The following PDE2A variants were observed in gnomAD, a reference collection of about 807,000 sequenced individuals.
PDE2A encodes the protein cGMP-dependent 3',5'-cyclic phosphodiesterase.
A neutral mutation model predicts 133.6 loss-of-function variants in PDE2A; 53 were observed. The observed-to-expected ratio is 0.40, with a 90% confidence interval of 0.32 to 0.50. The LOEUF (loss-of-function observed/expected upper bound fraction) is 0.50. Among genes scored for constraint, PDE2A ranks in the 20% least tolerant of loss-of-function variants. The pLI, the probability that PDE2A is intolerant of heterozygous loss-of-function variation, is 0.73. For missense variants in PDE2A, 796 were observed against 1,232.4 expected, an observed-to-expected ratio of 0.65 and a Z score of 5.30; for synonymous variants, 491 against 490.2, an observed-to-expected ratio of 1.00 and a Z score of -0.02.
chr11:72,656,323 G>A (rs1040679880), intron 1 of PDE2A, among the ~76,000 whole-genome samples: 2 of 152,168 alleles, frequency 1.3e-5, no homozygotes, highest in South Asian at 2.1e-4. Context: ...AGCACAGCAG[G>A]CCCAATATCA....
intron 1 of PDE2A, chr11:72,669,044 C>A: frequency 1.3e-6 from 1 of 788,836 alleles, no homozygotes; most frequent in Admixed American, 5.6e-5. Flanking sequence ...AGGGGCTAAG[C>A]TCTGCACTTC....
In PDE2A at chr11:72,590,230, G is replaced by T; in HGVS notation, c.718C>A (p.Leu240Met). Reference protein sequence around the residue: ...ILQLCGELYDLDASSLQLKVL... With the variant: ...ILQLCGELYDMDASSLQLKVL... ...TTGAGCTGCAGGGAAGAGGCATCCA[G>T]GTCGTAGAGTTCCCCTGCAAGGGCC... The change falls in exon 9 of 31, where the codon CTG becomes ATG. Residue 240 changes from leucine (L) to methionine (M), a missense_variant. Transcript: ENST00000334456. This position sits in a 1 kb window ranked among gnomAD's most constrained non-coding sequence, Gnocchi z 4.8. The T allele has an allele frequency of 6.4e-7, 1 of 1,551,688 alleles. No individual in the cohort carries two copies.
chr11:72,590,553 C>T lies in PDE2A; in HGVS notation c.577G>A (p.Val193Ile). 1 of 1,401,778 alleles carries T rather than the reference C, an allele frequency of 7.1e-7. No homozygotes were observed. Among genetic ancestry groups the T allele is most frequent in the Non-Finnish European group, 9.2e-7 (1 of 1,083,708 alleles). 86.8% of individuals were successfully genotyped at this position (1,401,778 alleles called of 1,614,324 possible). ...HTLVALRRVQ[V>I]LQQRGPREAP... ...TCCCTGGGCCCGCGCTGCTGCAGGA[C>T]CTGCACCCTCCGCAGGGCGACCAGG... The change falls in exon 8 of 31, where the codon GTC becomes ATC. Residue 193 changes from valine (V) to isoleucine (I), a missense_variant. Physicochemically the swap from Val to Ile is conservative, Grantham distance 29. This residue lies in a region of PDE2A where 417 missense variants were observed against 475.3 expected (regional missense o/e 0.88). Transcript: ENST00000334456. The surrounding 1 kb of genome is among the most constrained non-coding windows in gnomAD (Gnocchi z 4.8).
intron 1 of PDE2A, among the ~76,000 whole-genome samples, chr11:72,656,058 C>T (rs907857): frequency 0.42 from 63,670 of 151,934 alleles, 14,765 homozygotes; most frequent in Middle Eastern, 0.66. Context: ...GCCCGGCATC[C>T]GGAGAGGAAT....
At chr11:72,639,637 C>G (rs1272053402) in intron 2 of PDE2A, among the ~76,000 whole-genome samples, 1 of 152,184 alleles carries the variant, frequency 6.6e-6, no homozygotes, top group Admixed American at 6.5e-5. Context: ...TCCTCCAAAC[C>G]AAGGCCCCAA....
chr11:72,589,988 G>A lies in PDE2A; in HGVS notation c.757-7C>T. The A allele has an allele frequency of 5.0e-6, 8 of 1,610,380 alleles. No homozygotes were observed. Among genetic ancestry groups the A allele is most frequent in the Non-Finnish European group, 6.8e-6 (8 of 1,178,542 alleles). On this transcript the variant is annotated splice_region_variant and splice_polypyrimidine_tract_variant and intron_variant, in intron 9 of 30. Transcript: ENST00000334456. ...CCCGGGTCTCCTGCTGCAGCTGAGAGAGGGACAGGCAGGGCGAGGGGGTGA... is the reference window on the plus strand; with the variant it reads ...CCCGGGTCTCCTGCTGCAGCTGAGAAAGGGACAGGCAGGGCGAGGGGGTGA...
At chr11:72,601,534 G>A (rs1263915619) in intron 4 of PDE2A, among the ~76,000 whole-genome samples, 1 of 152,074 alleles carries the variant, frequency 6.6e-6, no homozygotes, top group Non-Finnish European at 1.5e-5. Context: ...GGGCCCTGGG[G>A]ACCCCAAAAT....
chr11:72,586,666 G>A (rs781135188), intron 13 of PDE2A, among the ~76,000 whole-genome samples: 6 of 152,212 alleles, frequency 3.9e-5, no homozygotes, highest in Non-Finnish European at 8.8e-5. Flanking sequence ...CATGGAGCTA[G>A]CTCTGGTGAG....
chr11:72,590,502 G>A lies in PDE2A; in HGVS notation c.628C>T (p.Pro210Ser). The A allele has an allele frequency of 1.3e-6, 2 of 1,510,826 alleles. No homozygotes were observed. The highest frequency in any genetic ancestry group is 1.8e-6 in the Non-Finnish European group (2 of 1,134,234). 93.6% of individuals were successfully genotyped at this position (1,510,826 alleles called of 1,614,324 possible). Residue 210 changes from proline to serine, a missense_variant, in exon 8 of 31, where the codon CCG becomes TCG. Pro to Ser is a moderately conservative substitution (Grantham distance 74, BLOSUM62 -1). Around this residue, in one of 7 missense-constraint regions of PDE2A, gnomAD observed 417 missense variants for 475.3 expected, o/e 0.88. Coordinates refer to ENST00000334456, the MANE Select transcript of PDE2A (RefSeq NM_002599.5). This position sits in a 1 kb window ranked among gnomAD's most constrained non-coding sequence, Gnocchi z 4.8. The part of the protein sequence containing the change: ...REAPRAVQNP[P>S]EGTAEDQKGG... ...TTCTGGTCTTCCGCCGTCCCCTCCG[G>A]GGGGTTCTGGACGGCTCGGGGAGCC...
At chr11:72,584,984 C>G (rs1855897760) in intron 16 of PDE2A, 40 bp from the exon 17 acceptor site, 2 of 1,588,392 alleles carry the variant, frequency 1.3e-6, no homozygotes, top group East Asian at 2.2e-5. Flanking sequence ...GCCTGACAAC[C>G]CCCTCTGATC....
chr11:72,581,267 T>G, intron 23 of PDE2A, 90 bp downstream of exon 23: 2 of 1,335,108 alleles, frequency 1.5e-6, no homozygotes, highest in Non-Finnish European at 2.1e-6. Flanking sequence ...AGGCAGTGCG[T>G]GTAAAGTGCC....
At chr11:72,629,354 C>A (rs1430212622) in intron 2 of PDE2A, among the ~76,000 whole-genome samples, 1 of 152,200 alleles carries the variant, frequency 6.6e-6, no homozygotes, top group East Asian at 1.9e-4. Context: ...CCCCGTTGCC[C>A]AGGAGGGTCT....
Position 72,578,833 on chromosome 11 carries a change from C to G in PDE2A, c.2469+64G>C. 2.0e-6 allele frequency: 2 copies of G among 991,340 alleles called. No individual in the cohort carries two copies. The highest frequency in any genetic ancestry group is 2.4e-5 in the East Asian group (1 of 41,594). 61.4% of individuals were successfully genotyped at this position (991,340 alleles called of 1,614,324 possible). A position where few individuals can be genotyped will look rare whatever the true frequency, so the allele number is the denominator to read the frequency against. On this transcript the variant is annotated intron_variant, in intron 28 of 30. Coordinates refer to ENST00000334456, the MANE Select transcript of PDE2A (RefSeq NM_002599.5). The surrounding 1 kb of genome is among the most constrained non-coding windows in gnomAD (Gnocchi z 4.2). The stretch of plus-strand genomic sequence containing the variant: ...TGAGCAGAGAGAGGGTATTCAGGCA[C>G]AGGGGGCACCCAAAGCTGGGCAGGG...
Position 72,617,462 on chromosome 11 carries a change from C to T in PDE2A, c.145-8711G>A, listed in dbSNP as rs370711343. On this transcript the variant is annotated intron_variant, in intron 2 of 30. Coordinates refer to ENST00000334456, the MANE Select transcript of PDE2A (RefSeq NM_002599.5). ...TGTTTTCTCCCTGCCTCTCAGCCTCCCTGGGCGCTCTCTCTGTGCCTGGCC... is the reference window on the plus strand; with the variant it reads ...TGTTTTCTCCCTGCCTCTCAGCCTCTCTGGGCGCTCTCTCTGTGCCTGGCC... 1.3e-4 allele frequency among the ~76,000 whole-genome samples: 20 copies of T among 152,330 alleles called. No individual in the cohort carries two copies. The East Asian group carries it at 3.5e-3, about 26-fold the overall frequency.
At chr11:72,615,113 G>A (rs377250380) in intron 2 of PDE2A, 9 of 515,866 alleles carry the variant, frequency 1.7e-5, no homozygotes, top group South Asian at 4.3e-5. Context: ...CTGGAGACAC[G>A]TGCACTGTAG....
At chr11:72,663,682 T>C (rs1260348210) in intron 1 of PDE2A, among the ~76,000 whole-genome samples, 6 of 139,140 alleles carry the variant, frequency 4.3e-5, no homozygotes, top group Middle Eastern at 8.1e-3. Context: ...TGAGACAAGA[T>C]CGCACCACTG....
At chr11:72,629,793 A>T (rs947467949) in intron 2 of PDE2A, among the ~76,000 whole-genome samples, 10 of 152,298 alleles carry the variant, frequency 6.6e-5, no homozygotes, top group African/African-American at 2.4e-4. Flanking sequence ...TCACTTGCTG[A>T]ATGATCCCTC....
chr11:72,592,225 G>A (rs1184653213), intron 6 of PDE2A, among the ~76,000 whole-genome samples: 1 of 152,142 alleles, frequency 6.6e-6, no homozygotes, highest in Non-Finnish European at 1.5e-5. Flanking sequence ...GGCCCTGCCA[G>A]CAAGGCTCCC....
At position 72,576,557 on chromosome 11, in the gene PDE2A, G is replaced by GAATA. The variant is rs1031772774; in HGVS notation, c.*826_*827insTATT. On this transcript the variant is annotated 3_prime_UTR_variant, in exon 31 of 31. Transcript: ENST00000334456. ...CAGAAACATTCCATAGCCTCTGCTG[G>GAATA]GACTCCGCAGAGCGATAGAGCTATT... 1 of 169,284 alleles carries GAATA rather than the reference G, an allele frequency of 5.9e-6. No individual in the cohort carries two copies. The highest frequency in any genetic ancestry group is 2.4e-5 in the African/African-American group (1 of 41,516). The allele number at this position is 169,284 out of a possible 1,614,324, so 10.5% of individuals were successfully genotyped here. A position where few individuals can be genotyped will look rare whatever the true frequency, so the allele number is the denominator to read the frequency against.
Sources: gnomAD v4.1 joint callset for allele counts (sites outside exome capture counted in the v4.1 genomes callset) on GRCh38, gnomAD v4.1.1 for gene constraint, gnomAD v4.1.1 regional missense constraint, Gnocchi (gnomAD v3.1) non-coding constraint, MANE v1.5 for transcripts, NCBI Gene and HGNC (gene_info 2026-07-23, HGNC 2026-07-21) for gene names.